The following SMURF2 variants were observed in gnomAD, a reference collection of about 807,000 sequenced individuals.
The protein encoded by SMURF2 is E3 ubiquitin-protein ligase SMURF2.
Under a neutral mutation model 109.6 loss-of-function variants are expected in SMURF2, and 48 were observed. That is an observed-to-expected ratio of 0.44 (90% CI 0.35 to 0.56). SMURF2 has a LOEUF of 0.56. Ranked by LOEUF, SMURF2 falls within the 20% of genes least tolerant of loss-of-function variation. The pLI, the probability that SMURF2 is intolerant of heterozygous loss-of-function variation, is 0.01. For synonymous variants in SMURF2, 288 were observed against 317.1 expected, an observed-to-expected ratio of 0.91 and a Z score of 0.97; for missense variants, 575 against 909.0, an observed-to-expected ratio of 0.63 and a Z score of 4.72.
chr17:64,566,561 G>GTTTGTTTTTTTTTTTTTTTTT (rs1969305868), intron 10 of SMURF2, among the ~76,000 whole-genome samples: 6 of 43,784 alleles, frequency 1.4e-4, no homozygotes, highest in African/African-American at 4.5e-4. Flanking sequence ...AAGCTTTCTG[G>GTTTGTTTTTTTTTTTTTTTTT]TTTTTTTTTT....
intron 1 of SMURF2, among the ~76,000 whole-genome samples, chr17:64,644,507 G>A (rs1970533835): frequency 6.6e-6 from 1 of 150,566 alleles, no homozygotes; most frequent in Admixed American, 6.6e-5. Flanking sequence ...GAGGCAGGAG[G>A]AATGCTTGAG....
intron 1 of SMURF2, among the ~76,000 whole-genome samples, chr17:64,607,966 T>A (rs1278168443): frequency 5.3e-5 from 8 of 149,554 alleles, no homozygotes; most frequent in Admixed American, 5.3e-4. Context: ...ACCACTGAAC[T>A]CCAGCCTGGG....
intron 1 of SMURF2, among the ~76,000 whole-genome samples, chr17:64,621,684 G>A (rs1970204834): frequency 6.6e-6 from 1 of 151,236 alleles, no homozygotes; most frequent in South Asian, 2.1e-4. Flanking sequence ...GACCAGCCTG[G>A]CCAACATGGT....
intron 10 of SMURF2, among the ~76,000 whole-genome samples, chr17:64,567,778 G>A (rs1433867400): frequency 6.6e-6 from 1 of 151,538 alleles, no homozygotes; most frequent in African/African-American, 2.4e-5. Context: ...CACCTCCCAG[G>A]TTCAAGCAAT....
chr17:64,579,839 T>C (rs1438700109), intron 8 of SMURF2, among the ~76,000 whole-genome samples: 2 of 152,230 alleles, frequency 1.3e-5, no homozygotes, highest in African/African-American at 4.8e-5. Context: ...GATACGAACC[T>C]AGGTCCTAAG....
intron 1 of SMURF2, among the ~76,000 whole-genome samples, chr17:64,658,406 A>T (rs1970731999): frequency 1.3e-5 from 2 of 152,212 alleles, no homozygotes; most frequent in African/African-American, 4.8e-5. Flanking sequence ...AACCTGTGAA[A>T]TAGAATTAAG....
intron 1 of SMURF2, among the ~76,000 whole-genome samples, chr17:64,637,250 C>T (rs1328492353): frequency 2.3e-4 from 35 of 151,762 alleles, no homozygotes; most frequent in Admixed American, 2.2e-3. Flanking sequence ...CCTCAGCCTC[C>T]CAAGTAAGTG....
intron 1 of SMURF2, among the ~76,000 whole-genome samples, chr17:64,622,985 T>G (rs532319746): frequency 6.6e-6 from 1 of 152,318 alleles, no homozygotes; most frequent in Non-Finnish European, 1.5e-5. Context: ...CCAATACTAC[T>G]TTATTTTATT....
At chr17:64,617,381 T>C (rs1413690443) in intron 1 of SMURF2, among the ~76,000 whole-genome samples, 1 of 152,210 alleles carries the variant, frequency 6.6e-6, no homozygotes, top group Non-Finnish European at 1.5e-5. Context: ...ATTAGTATGT[T>C]TGATGATGTA....
Position 64,661,909 on chromosome 17 carries a change from G to A in SMURF2, c.-29C>T. 1 of 1,172,188 alleles carries A rather than the reference G, an allele frequency of 8.5e-7. No individual in the cohort carries two copies. 72.6% of individuals were successfully genotyped at this position (1,172,188 alleles called of 1,614,324 possible). A position where few individuals can be genotyped will look rare whatever the true frequency, so the allele number is the denominator to read the frequency against. ...CCCGGCGGCGGGGGCGGCGGGGGCG[G>A]CGGGCGGCACGGGGGCGACGGCGAG... On this transcript the variant is annotated 5_prime_UTR_variant, in exon 1 of 19. Transcript: ENST00000262435.
At position 64,550,757 on chromosome 17, in the gene SMURF2, CAAAAAAAA is replaced by C. The variant is rs146307567; in HGVS notation, c.1869+819_1869+826del. The stretch of plus-strand genomic sequence containing the variant: ...CCTCCAGCCTGGGCAACTCTGTCTC[CAAAAAAAA>C]AAAAAAAAAAAAGAGAGAGACATTT... On this transcript the variant is annotated intron_variant, in intron 16 of 18. Coordinates refer to ENST00000262435, the MANE Select transcript of SMURF2 (RefSeq NM_022739.4). Among the ~76,000 whole-genome samples, 550 of 69,710 alleles carry C rather than the reference CAAAAAAAA, an allele frequency of 7.9e-3. 2 individuals are homozygous for C. The highest frequency in any genetic ancestry group is 0.021 in the African/African-American group (529 of 25,778). The allele number at this position is 69,710 out of a possible 152,430, so 45.7% of individuals were successfully genotyped here. A position where few individuals can be genotyped will look rare whatever the true frequency, so the allele number is the denominator to read the frequency against.
chr17:64,604,551 G>A (rs1200134457), intron 2 of SMURF2, among the ~76,000 whole-genome samples: 6 of 152,078 alleles, frequency 3.9e-5, no homozygotes, highest in Admixed American at 2.6e-4. Flanking sequence ...CTTGGGACTC[G>A]AGAGGAAGGA....
chr17:64,602,031 C>G (rs1969905814), intron 2 of SMURF2, among the ~76,000 whole-genome samples: 1 of 151,526 alleles, frequency 6.6e-6, no homozygotes, highest in African/African-American at 2.4e-5. Flanking sequence ...ATCACAGCAA[C>G]CTGGATAAAA....
chr17:64,628,383 T>C, intron 1 of SMURF2, among the ~76,000 whole-genome samples: 1 of 152,198 alleles, frequency 6.6e-6, no homozygotes, highest in East Asian at 1.9e-4. Flanking sequence ...ACATTTTCTA[T>C]CAAATAGTGA....
chr17:64,621,952 C>CAATAATAATAATAATAAT (rs782162183), intron 1 of SMURF2, among the ~76,000 whole-genome samples: 4 of 130,498 alleles, frequency 3.1e-5, no homozygotes, highest in Non-Finnish European at 6.4e-5. Context: ...GCCATCATCG[C>CAATAATAATAATAATAAT]AATAATAATA....
intron 9 of SMURF2, among the ~76,000 whole-genome samples, chr17:64,575,741 G>C (rs1335789331): frequency 6.6e-6 from 1 of 151,918 alleles, no homozygotes; most frequent in Non-Finnish European, 1.5e-5. Context: ...GTTGTTCTGG[G>C]GGTTTGTTTT....
intron 3 of SMURF2, 50 bp downstream of exon 3, chr17:64,598,332 T>G (rs1278226823): frequency 7.2e-7 from 1 of 1,389,376 alleles, no homozygotes; most frequent in Admixed American, 2.0e-5. Flanking sequence ...AAAGACTATA[T>G]CAAATAATTT....
In SMURF2 at chr17:64,547,663, T is replaced by A; in HGVS notation, c.2008A>T (p.Arg670Ter). The A allele has an allele frequency of 6.2e-7, 1 of 1,613,920 alleles. No individual in the cohort carries two copies. The highest frequency in any genetic ancestry group is 2.2e-5 in the East Asian group (1 of 44,858). Residue 670 changes from arginine to a stop codon, truncating the protein, a stop_gained, in exon 17 of 19, where the codon AGA (arginine) becomes TGA (stop). Transcript: ENST00000262435. LOFTEE classifies it high-confidence loss of function. The surrounding 1 kb of genome is among the most constrained non-coding windows in gnomAD (Gnocchi z 4.2). Reference protein sequence around the residue: ...VEFFDEERRARLLQFVTGSSR... With the variant: ...VEFFDEERRA Reference sequence around the variant, plus strand: ...GATCCTGTCACAAACTGAAGCAATCTTGCTCGTCGCTCTTCATCAAAAAAC... The same window carrying A: ...GATCCTGTCACAAACTGAAGCAATCATGCTCGTCGCTCTTCATCAAAAAAC...
intron 1 of SMURF2, among the ~76,000 whole-genome samples, chr17:64,625,548 T>C (rs1410685164): frequency 2.6e-5 from 4 of 152,196 alleles, no homozygotes; most frequent in Non-Finnish European, 4.4e-5. Context: ...CAAATTAACA[T>C]AGTGTAGATT....
Sources: gnomAD v4.1 joint callset for allele counts (sites outside exome capture counted in the v4.1 genomes callset) on GRCh38, gnomAD v4.1.1 for gene constraint, Gnocchi (gnomAD v3.1) non-coding constraint, MANE v1.5 for transcripts, NCBI Gene and HGNC (gene_info 2026-07-23, HGNC 2026-07-21) for gene names.